The following GAN variants were observed in gnomAD, a reference collection of about 807,000 sequenced individuals.
The protein encoded by GAN is epididymis secretory sperm binding protein.
GAN carries 48 observed loss-of-function variants against 71.3 expected under a neutral mutation model. The ratio of observed to expected loss-of-function variants is 0.67; its 90% CI spans 0.53 to 0.86. The LOEUF (loss-of-function observed/expected upper bound fraction) is 0.86. GAN is among the 40% of genes least tolerant of loss of function. GAN has a pLI of 0.00. For synonymous variants in GAN, 386 were observed against 276.8 expected, an observed-to-expected ratio of 1.39 and a Z score of -3.92; for missense variants, 928 against 770.1, an observed-to-expected ratio of 1.21 and a Z score of -2.43.
rs1374254695 is a variant in GAN at position 81,352,802 on chromosome 16, C to G, written c.282+1105C>G. Among the ~76,000 whole-genome samples, 4 of 152,222 alleles carry G rather than the reference C, an allele frequency of 2.6e-5. No individual in the cohort carries two copies. In the South Asian group the frequency reaches 8.3e-4, roughly 32 times the overall value. On this transcript the variant is annotated intron_variant, in intron 2 of 10. Transcript: ENST00000648994. Reference sequence around the variant, plus strand: ...GAATTTAAGTTAATCTGGGGACAGCCCAGAGATGCTCTGTAGCATCACATA... The same window carrying G: ...GAATTTAAGTTAATCTGGGGACAGCGCAGAGATGCTCTGTAGCATCACATA...
intron 5 of GAN, 90 bp downstream of exon 5, chr16:81,358,021 A>G: frequency 2.7e-6 from 3 of 1,090,974 alleles, no homozygotes; most frequent in Non-Finnish European, 4.2e-6. Context: ...CCTTTTAAAG[A>G]TACAATTTTA....
Position 81,315,206 on chromosome 16 carries a change from C to T in GAN, c.93C>T (p.Asp31=), listed in dbSNP as rs1379227526. The part of the protein sequence containing the change: ...SSFREESRFC[D]AHLVLDGEEI... ...TCCGCGAGGAGTCTCGCTTCTGCGA[C>T]GCGCACCTGGTCCTCGACGGGGAGG... Residue 31 remains aspartate, a synonymous_variant, in exon 1 of 11, where the codon GAC becomes GAT. Coordinates refer to ENST00000648994, the MANE Select transcript of GAN (RefSeq NM_022041.4). 1.3e-6 allele frequency: 2 copies of T among 1,579,322 alleles called. No individual in the cohort carries two copies. Among genetic ancestry groups the T allele is most frequent in the Non-Finnish European group, 1.7e-6 (2 of 1,165,002 alleles).
chr16:81,367,760 A>G (rs1168741023), intron 9 of GAN, among the ~76,000 whole-genome samples: 2 of 152,204 alleles, frequency 1.3e-5, no homozygotes, highest in Non-Finnish European at 2.9e-5. Context: ...CCTATTTTCC[A>G]TATGAGGAAA....
Position 81,346,725 on chromosome 16 carries a change from G to A in GAN, c.168-4858G>A, listed in dbSNP as rs1041778149. Reference sequence around the variant, plus strand: ...TGCCTGAGAAAGCTGTTCATGGGAAGGTACTTGAAGGAGGCTCTGGGGAAA... The same window carrying A: ...TGCCTGAGAAAGCTGTTCATGGGAAAGTACTTGAAGGAGGCTCTGGGGAAA... On this transcript the variant is annotated intron_variant, in intron 1 of 10. Transcript: ENST00000648994. Among the ~76,000 whole-genome samples, 4 of 152,292 alleles carry A rather than the reference G, an allele frequency of 2.6e-5. No homozygotes were observed. In the East Asian group the frequency reaches 5.8e-4, roughly 22 times the overall value.
intron 9 of GAN, among the ~76,000 whole-genome samples, chr16:81,375,973 CAAAA>C (rs55948304): frequency 9.4e-6 from 1 of 106,524 alleles, no homozygotes. Flanking sequence ...GACCCTGTCT[CAAAA>C]AAAAAAAAAA....
At chr16:81,367,728 G>T (rs914335135) in intron 9 of GAN, among the ~76,000 whole-genome samples, 4 of 152,098 alleles carry the variant, frequency 2.6e-5, no homozygotes, top group African/African-American at 9.7e-5. Context: ...ACTCTGAAGC[G>T]CATGTAGGTA....
At chr16:81,353,812 TTAGGGATTTATTCCA>T (rs1910390459) in intron 2 of GAN, among the ~76,000 whole-genome samples, 1 of 152,098 alleles carries the variant, frequency 6.6e-6, no homozygotes, top group Non-Finnish European at 1.5e-5. Flanking sequence ...CACCCTTGTA[TTAGGGATTTATTCCA>T]AAAAGTAGTT....
intron 1 of GAN, among the ~76,000 whole-genome samples, chr16:81,334,522 C>G (rs928110906): frequency 6.6e-6 from 1 of 152,164 alleles, no homozygotes; most frequent in Non-Finnish European, 1.5e-5. Flanking sequence ...TGGGGTGCAA[C>G]TAGGTTTATT....
chr16:81,316,196 A>G (rs1909033439), intron 1 of GAN, among the ~76,000 whole-genome samples: 1 of 152,126 alleles, frequency 6.6e-6, no homozygotes, highest in Non-Finnish European at 1.5e-5. Context: ...TGTTTTAATA[A>G]AAGGAAAGGG....
At position 81,315,509 on chromosome 16, in the gene GAN, C is replaced by T. The variant is rs1004393416; in HGVS notation, c.167+229C>T. 2.0e-5 allele frequency among the ~76,000 whole-genome samples: 3 copies of T among 152,120 alleles called. No homozygotes were observed. The East Asian group carries it at 5.8e-4, about 29-fold the overall frequency. On this transcript the variant is annotated intron_variant, in intron 1 of 10. Transcript: ENST00000648994. Reference sequence around the variant, plus strand: ...AGGCCCGCGCTCCCCACTGGACCCCCGCGCCCCTTGGAGTTGTCCCCGGAC... The same window carrying T: ...AGGCCCGCGCTCCCCACTGGACCCCTGCGCCCCTTGGAGTTGTCCCCGGAC...
At chr16:81,356,639 T>C (rs1323073744) in intron 3 of GAN, 146 bp from the exon 4 acceptor site, 12 of 738,256 alleles carry the variant, frequency 1.6e-5, no homozygotes, top group Non-Finnish European at 2.3e-5. Flanking sequence ...GGAGAAGATA[T>C]TCAAGCAGCA....
chr16:81,333,113 G>A (rs542198495), intron 1 of GAN, among the ~76,000 whole-genome samples: 2 of 151,898 alleles, frequency 1.3e-5, no homozygotes, highest in Non-Finnish European at 2.9e-5. Context: ...TAGGTGGCAC[G>A]CACCTGTAGT....
At chr16:81,354,891 C>T in intron 3 of GAN, 136 bp downstream of exon 3, 1 of 639,356 alleles carries the variant, frequency 1.6e-6, no homozygotes, top group Non-Finnish European at 2.7e-6. Context: ...AAACATGTTC[C>T]CCTATATCAT....
intron 1 of GAN, among the ~76,000 whole-genome samples, chr16:81,342,230 A>G (rs1909966914): frequency 6.6e-6 from 1 of 152,242 alleles, no homozygotes; most frequent in Non-Finnish European, 1.5e-5. Context: ...TGAATGAGAC[A>G]GAAAATTAAT....
At chr16:81,367,212 T>C (rs1910888229) in intron 9 of GAN, among the ~76,000 whole-genome samples, 1 of 152,158 alleles carries the variant, frequency 6.6e-6, no homozygotes, top group African/African-American at 2.4e-5. Flanking sequence ...AAGACTGTGG[T>C]TCCTTCTTTG....
At chr16:81,359,080 T>A (rs1185841255) in intron 5 of GAN, among the ~76,000 whole-genome samples, 1 of 152,202 alleles carries the variant, frequency 6.6e-6, no homozygotes, top group Non-Finnish European at 1.5e-5. Flanking sequence ...AGTGGAGTCA[T>A]TTTATGAGTC....
rs761663093 is a variant in GAN at position 81,377,257 on chromosome 16, C to A, written c.1541C>A (p.Ala514Asp). 1 of 1,611,828 alleles carries A rather than the reference C, an allele frequency of 6.2e-7. No individual in the cohort carries two copies. Among genetic ancestry groups the A allele is most frequent in the South Asian group, 1.1e-5 (1 of 91,020 alleles). The part of the protein sequence containing the change: ...YLNDQNLCIP[A>D]SSSFVYGAVP... Reference sequence around the variant, plus strand: ...AACGACCAGAATTTATGCATCCCCGCCAGTTCCTCTTTTGTTTATGGAGCT... The same window carrying A: ...AACGACCAGAATTTATGCATCCCCGACAGTTCCTCTTTTGTTTATGGAGCT... The change falls in exon 10 of 11, where the codon GCC becomes GAC. Residue 514 changes from alanine to aspartate, a missense_variant. Physicochemically the swap from Ala to Asp is moderately radical, Grantham distance 126. Coordinates refer to ENST00000648994, the MANE Select transcript of GAN (RefSeq NM_022041.4).
At chr16:81,369,859 C>T (rs1597409682) in intron 9 of GAN, among the ~76,000 whole-genome samples, 2 of 152,180 alleles carry the variant, frequency 1.3e-5, no homozygotes, top group Admixed American at 6.5e-5. Context: ...CATGAGCCAC[C>T]GCGCCCAGCC....
chr16:81,323,955 C>T (rs1909298370), intron 1 of GAN, among the ~76,000 whole-genome samples: 1 of 152,186 alleles, frequency 6.6e-6, no homozygotes, highest in South Asian at 2.1e-4. Context: ...AGGAAATAAA[C>T]ATAAAACTAA....
Sources: gnomAD v4.1 joint callset for allele counts (sites outside exome capture counted in the v4.1 genomes callset) on GRCh38, gnomAD v4.1.1 for gene constraint, MANE v1.5 for transcripts, NCBI Gene and HGNC (gene_info 2026-07-23, HGNC 2026-07-21) for gene names.